RBFOX1: variants seen among roughly 807,000 people sequenced by gnomAD.
The protein encoded by RBFOX1 is RNA binding protein fox-1 homolog 1.
In RBFOX1, 8 loss-of-function variants were observed where a neutral mutation model predicts 57.7. The ratio of observed to expected loss-of-function variants is 0.14; its 90% CI spans 0.08 to 0.25. RBFOX1 has a LOEUF of 0.25. RBFOX1 is among the 10% of genes least tolerant of loss of function. RBFOX1 has a pLI of 1.00. For synonymous variants in RBFOX1, 326 were observed against 222.4 expected (o/e 1.47, Z -4.15); for missense variants, 611 against 548.5 (o/e 1.11, Z -1.14).
intron 6 of RBFOX1, among the ~76,000 whole-genome samples, chr16:7,582,588 T>C (rs2093857850): frequency 6.6e-6 from 1 of 152,176 alleles, no homozygotes; most frequent in South Asian, 2.1e-4. Flanking sequence ...AACATTCTCA[T>C]TGGCTCCCTG....
At chr16:5,353,109 C>T (rs922238069) in intron 1 of RBFOX1, among the ~76,000 whole-genome samples, 1 of 152,144 alleles carries the variant, frequency 6.6e-6, no homozygotes, top group African/African-American at 2.4e-5. Context: ...TGTGGTGGTG[C>T]ACGCCTGTAA....
chr16:5,619,231 G>A (rs1395428444), intron 3 of RBFOX1, among the ~76,000 whole-genome samples: 1 of 152,178 alleles, frequency 6.6e-6, no homozygotes, highest in Admixed American at 6.5e-5. Context: ...ACTAAGGAGT[G>A]TGTAGGGTGC....
intron 3 of RBFOX1, among the ~76,000 whole-genome samples, chr16:7,004,431 G>A (rs945977088): frequency 4.6e-5 from 7 of 152,096 alleles, no homozygotes; most frequent in African/African-American, 1.4e-4. Context: ...TCAGCATTTG[G>A]CTCTGGTGGA....
intron 4 of RBFOX1, among the ~76,000 whole-genome samples, chr16:7,354,225 C>T (rs1482856176): frequency 6.6e-6 from 1 of 152,168 alleles, no homozygotes; most frequent in Non-Finnish European, 1.5e-5. Flanking sequence ...CCCACCTCGG[C>T]CTCCCACACT....
chr16:6,405,407 C>G (rs536088334), intron 2 of RBFOX1, among the ~76,000 whole-genome samples: 1 of 152,134 alleles, frequency 6.6e-6, no homozygotes, highest in African/African-American at 2.4e-5. Context: ...GGGAAGTGCA[C>G]CAAATAGTGC....
chr16:5,483,660 A>T (rs1412834459), intron 2 of RBFOX1, among the ~76,000 whole-genome samples: 1 of 152,206 alleles, frequency 6.6e-6, no homozygotes, highest in African/African-American at 2.4e-5. Flanking sequence ...TTGCAGCTGA[A>T]ATTCGCCTTC....
At chr16:6,655,393 A>G (rs2098642040) in intron 3 of RBFOX1, among the ~76,000 whole-genome samples, 1 of 138,412 alleles carries the variant, frequency 7.2e-6, no homozygotes, top group Non-Finnish European at 1.5e-5. Flanking sequence ...AAAAAAAAAA[A>G]AAAAAAAAAA....
intron 3 of RBFOX1, among the ~76,000 whole-genome samples, chr16:5,788,031 T>C (rs976837629): frequency 1.3e-5 from 2 of 152,120 alleles, no homozygotes; most frequent in Non-Finnish European, 2.9e-5. Flanking sequence ...TTTACACCTA[T>C]AGAATGGGGT....
At chr16:5,542,489 C>T (rs2129252) in intron 2 of RBFOX1, among the ~76,000 whole-genome samples, 43,647 of 150,956 alleles carry the variant, frequency 0.29, 6,980 homozygotes, top group Non-Finnish European at 0.36. Context: ...AAACTCCTGA[C>T]CTTGTGATCC....
intron 4 of RBFOX1, among the ~76,000 whole-genome samples, chr16:7,393,909 G>T (rs990377573): frequency 1.3e-5 from 2 of 152,066 alleles, no homozygotes; most frequent in African/African-American, 4.8e-5. Flanking sequence ...GGTTCATCAA[G>T]CTAGGGAGGA....
At chr16:6,450,208 A>G (rs1047308797) in intron 2 of RBFOX1, among the ~76,000 whole-genome samples, 3 of 152,062 alleles carry the variant, frequency 2.0e-5, no homozygotes, top group African/African-American at 7.2e-5. Flanking sequence ...TTACCTAAGT[A>G]TTTTTTGACT....
At chr16:6,223,776 C>G (rs927833133) in intron 1 of RBFOX1, among the ~76,000 whole-genome samples, 10 of 152,132 alleles carry the variant, frequency 6.6e-5, no homozygotes, top group African/African-American at 2.2e-4. Context: ...AGTCCTTGCC[C>G]ATGTCTATGT....
intron 3 of RBFOX1, among the ~76,000 whole-genome samples, chr16:7,024,529 G>C (rs182517111): frequency 6.6e-6 from 1 of 152,230 alleles, no homozygotes; most frequent in Admixed American, 6.5e-5. Flanking sequence ...AAAATTCTTT[G>C]TAGATGTTAG....
intron 4 of RBFOX1, chr16:7,333,230 A>T (rs1244716100): frequency 1.4e-6 from 1 of 718,252 alleles, no homozygotes; most frequent in Non-Finnish European, 2.3e-6. Flanking sequence ...TAGGAAATCA[A>T]AAAGATGGAT....
chr16:6,800,869 C>T (rs1388375545), intron 3 of RBFOX1, among the ~76,000 whole-genome samples: 1 of 152,114 alleles, frequency 6.6e-6, no homozygotes, highest in Non-Finnish European at 1.5e-5. Flanking sequence ...GGTTGTTTTT[C>T]TATGTAGTTG....
chr16:6,555,403 A>G (rs560766662), intron 2 of RBFOX1, among the ~76,000 whole-genome samples: 55 of 152,286 alleles, frequency 3.6e-4, no homozygotes, highest in African/African-American at 1.3e-3. Flanking sequence ...TTCATGTATT[A>G]AAGGATACCA....
At chr16:5,743,871 G>A (rs1048845789) in intron 3 of RBFOX1, among the ~76,000 whole-genome samples, 7 of 152,100 alleles carry the variant, frequency 4.6e-5, no homozygotes, top group African/African-American at 1.2e-4. Flanking sequence ...CACATAACAC[G>A]GTATTGTTAA....
chr16:6,493,873 C>T (rs938329142), intron 2 of RBFOX1, among the ~76,000 whole-genome samples: 1 of 152,152 alleles, frequency 6.6e-6, no homozygotes, highest in Admixed American at 6.5e-5. Context: ...AACTATGCAA[C>T]GTTAAGTACA....
chr16:5,834,591 T>TAGAC (rs1222425995), intron 3 of RBFOX1, among the ~76,000 whole-genome samples: 3 of 147,358 alleles, frequency 2.0e-5, no homozygotes, highest in Non-Finnish European at 4.4e-5. Flanking sequence ...GATAGATAGA[T>TAGAC]AGATAGATAG....
Sources: allele counts gnomAD v4.1 joint callset (sites outside exome capture counted in the v4.1 genomes callset), GRCh38; gene constraint gnomAD v4.1.1; transcripts MANE v1.5; gene names NCBI Gene and HGNC (gene_info 2026-07-23, HGNC 2026-07-21).